Variants in CDK13 observed in about 807,000 individuals in gnomAD.
The protein encoded by CDK13 is cyclin-dependent kinase 13.
A neutral mutation model predicts 137.6 loss-of-function variants in CDK13; 40 were observed. The observed-to-expected ratio is 0.29, with a 90% CI of 0.23 to 0.38. The LOEUF (loss-of-function observed/expected upper bound fraction) is 0.38, where lower values mean the gene tolerates loss of function less well. Ranked by LOEUF, CDK13 falls within the 10% of genes least tolerant of loss-of-function variation. CDK13 has a pLI of 1.00. For missense variants in CDK13, 1,704 were observed against 1,951.8 expected, an observed-to-expected ratio of 0.87 and a Z score of 2.39; for synonymous variants, 869 against 760.1, an observed-to-expected ratio of 1.14 and a Z score of -2.36.
At chr7:40,064,931 A>G (rs1350906260) in intron 9 of CDK13, among the ~76,000 whole-genome samples, 1 of 140,512 alleles carries the variant, frequency 7.1e-6, no homozygotes, top group East Asian at 2.2e-4. Flanking sequence ...AGCTGGGACC[A>G]CAGGCATGCA....
At chr7:39,975,572 A>G (rs193282220) in intron 1 of CDK13, among the ~76,000 whole-genome samples, 2 of 152,346 alleles carry the variant, frequency 1.3e-5, no homozygotes, top group East Asian at 1.9e-4. Flanking sequence ...CTCATATACC[A>G]TGTGTACAGA....
chr7:40,052,838 T>G (rs933602541), intron 7 of CDK13, among the ~76,000 whole-genome samples: 4 of 152,192 alleles, frequency 2.6e-5, no homozygotes, highest in African/African-American at 9.7e-5. Flanking sequence ...GATGCTGATC[T>G]GGGAGAAGGT....
intron 5 of CDK13, among the ~76,000 whole-genome samples, chr7:40,041,358 C>T (rs1785601075): frequency 6.6e-6 from 1 of 152,114 alleles, no homozygotes; most frequent in South Asian, 2.1e-4. Flanking sequence ...ATACATTTAA[C>T]CCAATGTATC....
At chr7:40,071,571 T>C (rs540647095) in intron 9 of CDK13, 1 of 152,360 alleles carries the variant, frequency 6.6e-6, no homozygotes, top group Admixed American at 6.5e-5. Context: ...AAATCCATTG[T>C]TCTGTCTTAC....
intron 5 of CDK13, among the ~76,000 whole-genome samples, chr7:40,024,579 C>G (rs924778118): frequency 1.0e-4 from 15 of 146,650 alleles, no homozygotes; most frequent in African/African-American, 3.3e-4. Flanking sequence ...CTGGCTGTTG[C>G]TTCATAGTCT....
chr7:39,966,216 C>G (rs1277176600), intron 1 of CDK13, among the ~76,000 whole-genome samples: 1 of 152,172 alleles, frequency 6.6e-6, no homozygotes, highest in Non-Finnish European at 1.5e-5. Flanking sequence ...AGAGTGTTTT[C>G]CAACTTGGTT....
In CDK13 at chr7:39,957,090, C is replaced by CGTGTGTGTGTGT. The variant is rs70996865; in HGVS notation, c.1211+5269_1211+5280dup. Among the ~76,000 whole-genome samples, 451 of 141,000 alleles carry CGTGTGTGTGTGT rather than the reference C, an allele frequency of 3.2e-3. 7 individuals are homozygous for CGTGTGTGTGTGT. Among genetic ancestry groups the CGTGTGTGTGTGT allele is most frequent in the African/African-American group, 0.011 (405 of 37,490 alleles). The allele number at this position is 141,000 out of a possible 152,430, so 92.5% of individuals were successfully genotyped here. A position where few individuals can be genotyped will look rare whatever the true frequency, so the allele number is the denominator to read the frequency against. On this transcript the variant is annotated intron_variant, in intron 1 of 13. Transcript: ENST00000181839. ...AAACTCAGCTCAAAAATCCCACTGT[C>CGTGTGTGTGTGT]GTGTGTGTGTGTGTGTGTGTGTGTG...
chr7:39,987,865 C>G lies in CDK13; in HGVS notation c.1478C>G (p.Ser493Cys). The G allele has an allele frequency of 6.2e-7, 1 of 1,614,236 alleles. No individual in the cohort carries two copies. The highest frequency in any genetic ancestry group is 2.2e-5 in the East Asian group (1 of 44,890). ...AAGGCTGCAAAAGCTTCAAACACTT[C>G]TACACCTACCAAGGGGAACACGGAA... ...AAKAAKASNT[S>C]TPTKGNTETS... The change falls in exon 2 of 14, where the codon TCT becomes TGT. Residue 493 changes from serine (S) to cysteine (C), a missense_variant. Ser to Cys is a moderately radical substitution (Grantham distance 112, BLOSUM62 -1). Coordinates refer to ENST00000181839, the MANE Select transcript of CDK13 (RefSeq NM_003718.5).
At chr7:39,992,769 G>A (rs562799230) in intron 2 of CDK13, among the ~76,000 whole-genome samples, 1 of 150,224 alleles carries the variant, frequency 6.7e-6, no homozygotes, top group East Asian at 2.0e-4. Context: ...ATTTCTTCTT[G>A]GTATCGTTTA....
At chr7:40,016,466 A>G (rs561362943) in intron 5 of CDK13, among the ~76,000 whole-genome samples, 3 of 152,200 alleles carry the variant, frequency 2.0e-5, no homozygotes, top group South Asian at 4.1e-4. Flanking sequence ...GAGAGACTTT[A>G]TATAGTAGTT....
intron 2 of CDK13, among the ~76,000 whole-genome samples, chr7:39,996,986 A>AAAAAAAAAAAAAGAAAAAGAAG: frequency 6.6e-6 from 1 of 151,010 alleles, no homozygotes; most frequent in African/African-American, 2.4e-5. Flanking sequence ...AGAAAAAAAA[A>AAAAAAAAAAAAAGAAAAAGAAG]AAGAAAAATG....
intron 3 of CDK13, 91 bp downstream of exon 3, chr7:39,997,755 T>A: frequency 2.2e-6 from 2 of 926,930 alleles, no homozygotes; most frequent in Non-Finnish European, 1.6e-6. Flanking sequence ...AGGTTTAAAA[T>A]AAAAAATGTA....
intron 2 of CDK13, among the ~76,000 whole-genome samples, chr7:39,989,216 G>C (rs963311037): frequency 6.6e-6 from 1 of 150,912 alleles, no homozygotes; most frequent in Non-Finnish European, 1.5e-5. Flanking sequence ...ATATTCTTAA[G>C]AGGCAGTAAA....
At chr7:40,094,096 A>ACC in intron 13 of CDK13, 34 bp from the exon 14 acceptor site, 1 of 1,598,178 alleles carries the variant, frequency 6.3e-7, no homozygotes, top group Non-Finnish European at 8.5e-7. Context: ...TTCCATGGTA[A>ACC]CTTTTGACCT....
rs1182015243 is a variant in CDK13 at position 40,089,085 on chromosome 7, A to G, written c.3235+754A>G. On this transcript the variant is annotated intron_variant, in intron 12 of 13. Transcript: ENST00000181839. Reference sequence around the variant, plus strand: ...CAGGAGCGAGACTCCATCTCAAAATATGTGTGTGTGTGTGTGTGAGTGAAT... The same window carrying G: ...CAGGAGCGAGACTCCATCTCAAAATGTGTGTGTGTGTGTGTGTGAGTGAAT... Among the ~76,000 whole-genome samples, 8 of 148,582 alleles carry G rather than the reference A, an allele frequency of 5.4e-5. No homozygotes were observed. The South Asian group carries it at 1.3e-3, about 24-fold the overall frequency.
chr7:40,066,196 C>A (rs550109867), intron 9 of CDK13, among the ~76,000 whole-genome samples: 1 of 152,258 alleles, frequency 6.6e-6, no homozygotes. Context: ...CAGAGTGAGA[C>A]CATGTCTCCA....
intron 1 of CDK13, among the ~76,000 whole-genome samples, chr7:39,970,312 T>G (rs893748142): frequency 4.6e-5 from 7 of 152,010 alleles, no homozygotes; most frequent in African/African-American, 1.7e-4. Context: ...GATTTATGCA[T>G]TTTATGTCCA....
intron 13 of CDK13, 82 bp downstream of exon 13, chr7:40,093,319 G>T: frequency 8.6e-7 from 1 of 1,160,848 alleles, no homozygotes; most frequent in Non-Finnish European, 1.2e-6. Flanking sequence ...AATGTGTATA[G>T]TTCAGTGACA....
rs569175903 is a variant in CDK13, at chr7:39,992,898, T to C, written c.1872-4596T>C. Among the ~76,000 whole-genome samples, 7 of 152,312 alleles carry C rather than the reference T, an allele frequency of 4.6e-5. No homozygotes were observed. In the East Asian group the frequency reaches 1.4e-3, roughly 29 times the overall value. ...TTAAGAGGTGATTTTATGTACTTTA[T>C]GCTGTTGTTACAGGAGGACCAAAAT... is the stretch of plus-strand genomic sequence containing the variant. On this transcript the variant is annotated intron_variant, in intron 2 of 13. Coordinates refer to ENST00000181839, the MANE Select transcript of CDK13 (RefSeq NM_003718.5).
Sources: gnomAD v4.1 joint callset for allele counts (sites outside exome capture counted in the v4.1 genomes callset) on GRCh38, gnomAD v4.1.1 for gene constraint, MANE v1.5 for transcripts, NCBI Gene and HGNC (gene_info 2026-07-23, HGNC 2026-07-21) for gene names.